Variants in TMEM71 observed in about 807,000 individuals in gnomAD.
TMEM71 encodes transmembrane protein 71.
TMEM71 carries 44 observed loss-of-function variants against 38.0 expected under a neutral mutation model. The observed-to-expected ratio is 1.16, with a 90% CI of 0.91 to 1.49. TMEM71 has a LOEUF of 1.49. Among genes scored for constraint, TMEM71 ranks in the 40% most tolerant of loss-of-function variants. TMEM71 has a pLI of 0.00. For missense variants in TMEM71, 367 were observed against 348.6 expected (o/e 1.05, Z -0.42); for synonymous variants, 133 against 122.5 (o/e 1.09, Z -0.56).
intron 5 of TMEM71, among the ~76,000 whole-genome samples, chr8:132,746,388 C>CAT (rs1167586608): frequency 4.6e-3 from 86 of 18,638 alleles, no homozygotes; most frequent in African/African-American, 9.1e-3. Context: ...TATATATATA[C>CAT]ATATATATAT....
At chr8:132,761,580 T>A (rs1289036735), upstream of TMEM71, among the ~76,000 whole-genome samples, 2 of 152,230 alleles carry the variant, frequency 1.3e-5, no homozygotes, top group African/African-American at 2.4e-5. Flanking sequence ...GTAGAACATG[T>A]TCTAGGCAGC....
the TMEM71 span, among the ~76,000 whole-genome samples, chr8:132,773,608 G>T: frequency 1.3e-5 from 2 of 152,206 alleles, no homozygotes; most frequent in African/African-American, 2.4e-5. Flanking sequence ...AGTTCAGAAA[G>T]ATTTAACTCC....
chr8:132,742,241 T>G (rs1181832063), intron 5 of TMEM71, among the ~76,000 whole-genome samples: 1 of 152,264 alleles, frequency 6.6e-6, no homozygotes, highest in Non-Finnish European at 1.5e-5. Flanking sequence ...TATTTTTGTT[T>G]TATATTTTAT....
At chr8:132,742,931 T>C (rs781212249) in intron 5 of TMEM71, among the ~76,000 whole-genome samples, 1 of 152,148 alleles carries the variant, frequency 6.6e-6, no homozygotes, top group African/African-American at 2.4e-5. Context: ...AATCACGTCT[T>C]ACATGGATGG....
At chr8:132,774,835 CAT>C in the TMEM71 span, among the ~76,000 whole-genome samples, 7 of 152,240 alleles carry the variant, frequency 4.6e-5, no homozygotes, top group African/African-American at 1.2e-4. Context: ...CGCGTACACA[CAT>C]CTTAGTAATA....
intron 1 of TMEM71, among the ~76,000 whole-genome samples, chr8:132,760,018 C>T (rs143668121): frequency 2.8e-4 from 42 of 152,178 alleles, no homozygotes; most frequent in African/African-American, 6.7e-4. Flanking sequence ...CAATATTGTA[C>T]GGGTATGCCC....
Position 132,751,845 on chromosome 8 carries a change from TC to T in TMEM71, c.253del (p.Asp85MetfsTer4). 6.2e-7 allele frequency: 1 copy of T among 1,614,024 alleles called. No individual in the cohort carries two copies. Reference sequence around the variant, plus strand: ...GGATGGGTTCAGAGTTATGTTGCCATCTTTGTCGCACAGGAAGCTGTCTTCA... The same window carrying T: ...GGATGGGTTCAGAGTTATGTTGCCATTTTGTCGCACAGGAAGCTGTCTTCA... ...WTEDSFLCDKDGNITLNPSQT... is the reference protein window; with the variant it reads ...WTEDSFLCDKXGNITLNPSQT... On this transcript the variant is annotated frameshift_variant, in exon 4 of 10. Coordinates refer to ENST00000677595, the MANE Select transcript of TMEM71 (RefSeq NM_001382403.1). LOFTEE classifies it high-confidence loss of function.
chr8:132,744,290 AT>A (rs2131142451), intron 5 of TMEM71, among the ~76,000 whole-genome samples: 1 of 152,340 alleles, frequency 6.6e-6, no homozygotes, highest in South Asian at 2.1e-4. Flanking sequence ...ACTATGACTG[AT>A]ATTCATTGTC....
In TMEM71 at chr8:132,727,895, G is replaced by T. The variant is rs764207977; in HGVS notation, c.579C>A (p.Ile193=). Residue 193 remains isoleucine, a synonymous_variant, in exon 6 of 10, where the codon ATC becomes ATA. Coordinates refer to ENST00000677595, the MANE Select transcript of TMEM71 (RefSeq NM_001382403.1). The part of the protein sequence containing the change: ...ESVITSSSSH[I]ISQPPGGNSH... The stretch of plus-strand genomic sequence containing the variant: ...AGTTTCCTCCAGGAGGCTGAGATAT[G>T]ATGTGGCTGGAAGAGGAGGTGATCA... The T allele has an allele frequency of 6.2e-6, 10 of 1,614,124 alleles. No homozygotes were observed. The Admixed American group carries it at 1.7e-4, about 27-fold the overall frequency.
upstream of TMEM71, among the ~76,000 whole-genome samples, chr8:132,765,256 T>G (rs1183435342): frequency 6.6e-6 from 1 of 152,184 alleles, no homozygotes; most frequent in Non-Finnish European, 1.5e-5. Context: ...GAGCTGAAGC[T>G]GTGTGTATTT....
At chr8:132,723,812 C>T (rs562324274) in intron 6 of TMEM71, among the ~76,000 whole-genome samples, 120 of 152,210 alleles carry the variant, frequency 7.9e-4, no homozygotes, top group African/African-American at 2.6e-3. Flanking sequence ...TCAAGCTTTT[C>T]GGAGTTTCAC....
At chr8:132,727,698 A>T in intron 6 of TMEM71, 100 bp downstream of exon 6, 2 of 1,086,342 alleles carry the variant, frequency 1.8e-6, no homozygotes. Context: ...ACAGGTTGGT[A>T]CCAGCTCCTA....
rs140043720 is a variant in TMEM71, at chr8:132,713,617, A to G, written c.872+378T>C. ...TAAATGAATAAGAGAAGGCACAGAA[A>G]TCACAGTTTGTAACTGAGATCATTT... On this transcript the variant is annotated intron_variant, in intron 9 of 9. Transcript: ENST00000677595. Among the ~76,000 whole-genome samples, 137 of 152,340 alleles carry G rather than the reference A, an allele frequency of 9.0e-4. No individual in the cohort carries two copies. The East Asian group carries it at 0.02, about 23-fold the overall frequency.
intron 9 of TMEM71, among the ~76,000 whole-genome samples, chr8:132,712,215 A>C (rs531342772): frequency 7.2e-5 from 11 of 152,280 alleles, no homozygotes; most frequent in Non-Finnish European, 1.3e-4. Context: ...GTGGGCAGGA[A>C]ACAGGAAAAA....
the TMEM71 span, among the ~76,000 whole-genome samples, chr8:132,769,043 C>G: frequency 6.6e-6 from 1 of 152,214 alleles, no homozygotes; most frequent in East Asian, 1.9e-4. Context: ...ATCCCTTATG[C>G]TCCCTGAAAC....
At chr8:132,746,408 TATACAC>T (rs1157352335) in intron 5 of TMEM71, among the ~76,000 whole-genome samples, 2 of 19,210 alleles carry the variant, frequency 1.0e-4, no homozygotes, top group Non-Finnish European at 1.5e-4. Flanking sequence ...TACATATATA[TATACAC>T]ACACATATAT....
At chr8:132,769,888 T>TG in the TMEM71 span, among the ~76,000 whole-genome samples, 1 of 152,248 alleles carries the variant, frequency 6.6e-6, no homozygotes, top group Non-Finnish European at 1.5e-5. Flanking sequence ...TGCAAATAAA[T>TG]GAATATTGCA....
chr8:132,719,812 C>A (rs1826740785), intron 7 of TMEM71, among the ~76,000 whole-genome samples: 3 of 152,166 alleles, frequency 2.0e-5, no homozygotes, highest in Non-Finnish European at 4.4e-5. Context: ...AATGAAGGAA[C>A]ATGGTAATGT....
intron 5 of TMEM71, among the ~76,000 whole-genome samples, chr8:132,733,167 T>G (rs899604148): frequency 2.0e-5 from 3 of 152,176 alleles, no homozygotes; most frequent in East Asian, 1.9e-4. Context: ...TGTGTGTTTT[T>G]TTGTTGTTGT....
Sources: gnomAD v4.1 joint callset for allele counts (sites outside exome capture counted in the v4.1 genomes callset) on GRCh38, gnomAD v4.1.1 for gene constraint, MANE v1.5 for transcripts, NCBI Gene and HGNC (gene_info 2026-07-23, HGNC 2026-07-21) for gene names.